Variants in CTNND2 observed in about 807,000 individuals in gnomAD.
The protein encoded by CTNND2 is catenin delta 2, also known as catenin delta-2.
Under a neutral mutation model 144.4 loss-of-function variants are expected in CTNND2, and 22 were observed. The observed-to-expected ratio is 0.15, with a 90% CI of 0.11 to 0.22. The LOEUF (loss-of-function observed/expected upper bound fraction) is 0.22, where lower values mean the gene tolerates loss of function less well. Ranked by LOEUF, CTNND2 falls within the 10% of genes least tolerant of loss-of-function variation. The pLI, the probability that CTNND2 is intolerant of heterozygous loss-of-function variation, is 1.00. For synonymous variants in CTNND2, 751 were observed against 695.6 expected (o/e 1.08, Z -1.25); for missense variants, 1,353 against 1,618.8 (o/e 0.84, Z 2.82).
At chr5:11,327,442 A>C (rs561421451) in intron 9 of CTNND2, among the ~76,000 whole-genome samples, 3 of 152,308 alleles carry the variant, frequency 2.0e-5, no homozygotes, top group Non-Finnish European at 4.4e-5. Flanking sequence ...GAAAAATCTA[A>C]AAGGTAAATT....
intron 1 of CTNND2, among the ~76,000 whole-genome samples, chr5:11,876,333 G>A (rs187239759): frequency 4.1e-4 from 62 of 150,998 alleles, no homozygotes; most frequent in Admixed American, 3.8e-3. Flanking sequence ...GAAGAGAGGA[G>A]AAGAGAAAAG....
chr5:11,608,516 A>T (rs1052288755), intron 2 of CTNND2, among the ~76,000 whole-genome samples: 1 of 152,142 alleles, frequency 6.6e-6, no homozygotes, highest in Non-Finnish European at 1.5e-5. Context: ...TAGGGAACAT[A>T]CAGAAAAGAT....
chr5:11,618,726 T>C (rs56120125), intron 2 of CTNND2, among the ~76,000 whole-genome samples: 2,244 of 152,350 alleles, frequency 0.015, 60 homozygotes, highest in African/African-American at 0.051. Flanking sequence ...CATGTCACTT[T>C]ATTCTACTCA....
intron 16 of CTNND2, among the ~76,000 whole-genome samples, chr5:11,024,572 A>G (rs1455078638): frequency 6.6e-6 from 1 of 152,126 alleles, no homozygotes; most frequent in Non-Finnish European, 1.5e-5. Context: ...CCTTTTTCTT[A>G]TAAGGAAAGT....
At chr5:11,180,746 G>A (rs908690379) in intron 11 of CTNND2, among the ~76,000 whole-genome samples, 13 of 152,304 alleles carry the variant, frequency 8.5e-5, no homozygotes, top group Non-Finnish European at 1.3e-4. Flanking sequence ...CTGCTACCTC[G>A]TAGAAAACAG....
At chr5:11,736,262 G>T (rs113513521) in intron 1 of CTNND2, among the ~76,000 whole-genome samples, 1,940 of 152,246 alleles carry the variant, frequency 0.013, 22 homozygotes, top group Non-Finnish European at 0.018. Context: ...CTGAATCAAG[G>T]TTTCTCCTCC....
At chr5:11,620,276 C>T (rs1316907875) in intron 2 of CTNND2, among the ~76,000 whole-genome samples, 1 of 152,122 alleles carries the variant, frequency 6.6e-6, no homozygotes, top group Non-Finnish European at 1.5e-5. Flanking sequence ...ACCAGCCCAA[C>T]AGCCTACCTT....
chr5:11,170,834 C>T lies in CTNND2; in HGVS notation c.1976-11075G>A, dbSNP rs538607261. Reference sequence around the variant, plus strand: ...GAGATTTAATGGACTTACAATTCCACGTGGCTGAGGAGGCCTCACAACCAT... The same window carrying T: ...GAGATTTAATGGACTTACAATTCCATGTGGCTGAGGAGGCCTCACAACCAT... On this transcript the variant is annotated intron_variant, in intron 11 of 21. Transcript: ENST00000304623. Among the ~76,000 whole-genome samples the T allele has an allele frequency of 4.5e-4, 68 of 152,272 alleles. 1 individual carries two copies. Among genetic ancestry groups the T allele is most frequent in the Admixed American group, 1.6e-3 (24 of 15,298 alleles).
intron 19 of CTNND2, among the ~76,000 whole-genome samples, chr5:10,991,610 A>G (rs1738687151): frequency 1.3e-5 from 2 of 152,230 alleles, no homozygotes; most frequent in Admixed American, 1.3e-4. Context: ...TGTGAATTAA[A>G]AAGGGTATAA....
chr5:11,686,466 TATA>T (rs1784648943), intron 2 of CTNND2, among the ~76,000 whole-genome samples: 1 of 152,102 alleles, frequency 6.6e-6, no homozygotes, highest in Non-Finnish European at 1.5e-5. Context: ...TATTCAATTG[TATA>T]ATAACAATGA....
At chr5:11,551,019 A>G (rs1287320941) in intron 3 of CTNND2, among the ~76,000 whole-genome samples, 4 of 151,946 alleles carry the variant, frequency 2.6e-5, no homozygotes, top group African/African-American at 4.8e-5. Flanking sequence ...TTTCTGACCT[A>G]CCTCCTGGGT....
Position 10,988,394 on chromosome 5 carries a change from C to T in CTNND2, c.3212-152G>A. On this transcript the variant is annotated intron_variant, in intron 19 of 21. Transcript: ENST00000304623. The surrounding 1 kb of genome is among the most constrained non-coding windows in gnomAD (Gnocchi z 5.9). The stretch of plus-strand genomic sequence containing the variant: ...TTTCTTTTTAATTTTTATTTTTTGG[C>T]AGTTTTGGCTCTTGTCCCTGCCCCA... 1 of 909,316 alleles carries T rather than the reference C, an allele frequency of 1.1e-6. No homozygotes were observed. Among genetic ancestry groups the T allele is most frequent in the Non-Finnish European group, 1.6e-6 (1 of 621,346 alleles). 56.3% of individuals were successfully genotyped at this position (909,316 alleles called of 1,614,324 possible).
chr5:11,021,099 G>A (rs951944746), intron 17 of CTNND2, among the ~76,000 whole-genome samples: 6 of 152,030 alleles, frequency 3.9e-5, no homozygotes, highest in Non-Finnish European at 7.4e-5. Context: ...TGGTTTCTTC[G>A]AGTGATTTGT....
chr5:11,181,081 G>C (rs1478456759), intron 11 of CTNND2, among the ~76,000 whole-genome samples: 1 of 152,126 alleles, frequency 6.6e-6, no homozygotes, highest in Non-Finnish European at 1.5e-5. Flanking sequence ...TCCTAGGAGG[G>C]AACTGATGTG....
At chr5:11,141,604 G>T (rs7735683) in intron 12 of CTNND2, among the ~76,000 whole-genome samples, 11,522 of 152,198 alleles carry the variant, frequency 0.076, 1,404 homozygotes, top group African/African-American at 0.26. Context: ...GAGAAGAACA[G>T]GCAGCCGTGC....
chr5:11,551,650 G>A (rs1030375277), intron 3 of CTNND2, among the ~76,000 whole-genome samples: 1 of 151,970 alleles, frequency 6.6e-6, no homozygotes, highest in African/African-American at 2.4e-5. Flanking sequence ...ACAGGCTGGA[G>A]TGCAATGGTG....
At chr5:11,330,280 G>A (rs1271300822) in intron 9 of CTNND2, among the ~76,000 whole-genome samples, 6 of 144,352 alleles carry the variant, frequency 4.2e-5, no homozygotes, top group Admixed American at 7.0e-5. Context: ...GACCTTCCTG[G>A]CTAACATGGT....
In CTNND2 at chr5:11,384,987, C is replaced by T. The variant is rs1189254614; in HGVS notation, c.855G>A (p.Ser285=). Residue 285 remains serine, a synonymous_variant, in exon 7 of 22, where the codon TCG becomes TCA. Transcript: ENST00000304623. This position sits in a 1 kb window ranked among gnomAD's most constrained non-coding sequence, Gnocchi z 5.2. ...GSPTKLQRGG[S]APEGATYAAP... ...CGGCGTAGGTGGCGCCCTCGGGGGC[C>T]GAGCCGCCGCGCTGCAGCTTGGTGG... The T allele has an allele frequency of 2.0e-6, 3 of 1,517,418 alleles. No individual in the cohort carries two copies. The highest frequency in any genetic ancestry group is 2.1e-5 in the Admixed American group (1 of 48,412). The allele number at this position is 1,517,418 out of a possible 1,614,324, so 94.0% of individuals were successfully genotyped here.
chr5:11,732,943 A>G (rs1328949980), intron 1 of CTNND2, among the ~76,000 whole-genome samples: 3 of 152,088 alleles, frequency 2.0e-5, no homozygotes, highest in African/African-American at 7.2e-5. Context: ...AGAAGCCTCC[A>G]TAAAACCCCA....
Sources: gnomAD v4.1 joint callset for allele counts (sites outside exome capture counted in the v4.1 genomes callset) on GRCh38, gnomAD v4.1.1 for gene constraint, Gnocchi (gnomAD v3.1) non-coding constraint, MANE v1.5 for transcripts, NCBI Gene and HGNC (gene_info 2026-07-23, HGNC 2026-07-21) for gene names.